Variants in LMBRD2 observed in about 807,000 individuals in gnomAD.
The protein encoded by LMBRD2 is G protein-coupled receptor-associated protein LMBRD2.
Under a neutral mutation model 94.4 loss-of-function variants are expected in LMBRD2, and 55 were observed. The observed-to-expected ratio is 0.58, with a 90% CI of 0.47 to 0.73. The LOEUF (loss-of-function observed/expected upper bound fraction) is 0.73, where lower values mean the gene tolerates loss of function less well. LMBRD2 is among the 30% of genes least tolerant of loss of function. The pLI is 0.00. For synonymous variants in LMBRD2, 246 were observed against 272.4 expected (o/e 0.90, Z 0.95); for missense variants, 640 against 831.9 (o/e 0.77, Z 2.84).
intron 3 of LMBRD2, among the ~76,000 whole-genome samples, chr5:36,142,294 G>A (rs1744428399): frequency 6.6e-6 from 1 of 152,140 alleles, no homozygotes; most frequent in South Asian, 2.1e-4. Context: ...GTCTACTGAA[G>A]GGCTTTGTGG....
At chr5:36,122,820 G>T (rs773786225) in intron 8 of LMBRD2, 28 bp downstream of exon 8, 1 of 1,574,362 alleles carries the variant, frequency 6.4e-7, no homozygotes, top group South Asian at 1.2e-5. Flanking sequence ...TCATCATTAA[G>T]TAAAATACTT....
Position 36,117,875 on chromosome 5 carries a change from T to C in LMBRD2, c.1162A>G (p.Ile388Val). 6.2e-7 allele frequency: 1 copy of C among 1,613,158 alleles called. No individual in the cohort carries two copies. Among genetic ancestry groups the C allele is most frequent in the Non-Finnish European group, 8.5e-7 (1 of 1,179,714 alleles). Residue 388 changes from isoleucine to valine, a missense_variant, in exon 10 of 18, where the codon ATA (isoleucine) becomes GTA (valine). Physicochemically the swap from Ile to Val is conservative, Grantham distance 29 (BLOSUM62 3). Coordinates refer to ENST00000296603, the MANE Select transcript of LMBRD2 (RefSeq NM_001007527.2). ...ECLLRPWFYK[I>V]LAVVLSIFSV... is the part of the protein sequence containing the mutation. ...AAGATGGACAGAACCACAGCAAGTA[T>C]CTTGTAAAACCATGGTCGCAAAAGA...
rs369112787 is a variant in LMBRD2, at chr5:36,117,719, C to T, written c.1302+16G>A. The T allele has an allele frequency of 8.3e-5, 128 of 1,545,296 alleles. 4 individuals carry two copies. In the South Asian group the frequency reaches 1.2e-3, roughly 14 times the overall value. ...TGAAGTGACATCTATTTATGACAGA[C>T]ATAAAATAAACTGACCTCGATATAA... On this transcript the variant is annotated intron_variant, in intron 10 of 17. Coordinates refer to ENST00000296603, the MANE Select transcript of LMBRD2 (RefSeq NM_001007527.2).
At chr5:36,144,234 A>G (rs551732170) in intron 1 of LMBRD2, among the ~76,000 whole-genome samples, 29 of 152,314 alleles carry the variant, frequency 1.9e-4, no homozygotes, top group Admixed American at 5.2e-4. Flanking sequence ...GAAAAATTTG[A>G]TATCTCTCTA....
At position 36,104,121 on chromosome 5, in the gene LMBRD2, T is replaced by C. The variant is rs201011954; in HGVS notation, c.2028-15A>G. The C allele has an allele frequency of 1.3e-6, 2 of 1,597,832 alleles. No individual in the cohort carries two copies. Among genetic ancestry groups the C allele is most frequent in the Non-Finnish European group, 1.7e-6 (2 of 1,166,692 alleles). The stretch of plus-strand genomic sequence containing the variant: ...CAGGCTGATACCTAAAAAGGGAACA[T>C]AAAGAAATGATCTGAGGCATCAAAA... On this transcript the variant is annotated splice_polypyrimidine_tract_variant and intron_variant, in intron 17 of 17. Transcript: ENST00000296603.
intron 5 of LMBRD2, 61 bp from the exon 6 acceptor site, chr5:36,136,580 A>C: frequency 7.2e-7 from 1 of 1,391,650 alleles, no homozygotes; most frequent in Non-Finnish European, 1.0e-6. Context: ...ATGCGACTGC[A>C]TAAATAGACT....
chr5:36,129,024 A>C (rs1167953018), intron 6 of LMBRD2, among the ~76,000 whole-genome samples: 1 of 152,208 alleles, frequency 6.6e-6, no homozygotes, highest in East Asian at 1.9e-4. Flanking sequence ...GTGAGCTAGA[A>C]GACACTTGAA....
At position 36,151,647 on chromosome 5, in the gene LMBRD2, C is replaced by T. The variant is rs952545713; in HGVS notation, c.-149G>A. On this transcript the variant is annotated 5_prime_UTR_variant, in exon 1 of 18. Transcript: ENST00000296603. The surrounding 1 kb of genome is among the most constrained non-coding windows in gnomAD (Gnocchi z 4.7). ...ACTCGGGGTCTGCCGGGTCCCCTCT[C>T]TTTCCGCCTGCTCTCGGCCCCGGAC... 1.3e-5 allele frequency: 2 copies of T among 154,550 alleles called. No individual in the cohort carries two copies. Among genetic ancestry groups the T allele is most frequent in the African/African-American group, 4.8e-5 (2 of 41,476 alleles). 9.6% of individuals were successfully genotyped at this position (154,550 alleles called of 1,614,324 possible).
chr5:36,102,543 G>A lies in LMBRD2; in HGVS notation c.*1503C>T, dbSNP rs1442108518. The A allele has an allele frequency of 1.3e-5, 2 of 151,262 alleles. No homozygotes were observed. Among genetic ancestry groups the A allele is most frequent in the African/African-American group, 4.9e-5 (2 of 41,224 alleles). 9.4% of individuals were successfully genotyped at this position (151,262 alleles called of 1,614,324 possible). On this transcript the variant is annotated 3_prime_UTR_variant, in exon 18 of 18. Coordinates refer to ENST00000296603, the MANE Select transcript of LMBRD2 (RefSeq NM_001007527.2). ...ATCCACTGATAATTATTTTAAAAGG[G>A]ATCTAATTGCAAAGATCATAAAAAC... is the stretch of plus-strand genomic sequence containing the variant.
At chr5:36,122,189 A>C (rs1443375285) in intron 9 of LMBRD2, 91 bp downstream of exon 9, 23 of 879,070 alleles carry the variant, frequency 2.6e-5, no homozygotes, top group Non-Finnish European at 4.0e-5. Context: ...AATACAAATA[A>C]AATTCAACTT....
chr5:36,118,452 T>G (rs993219860), intron 9 of LMBRD2, among the ~76,000 whole-genome samples: 2 of 152,152 alleles, frequency 1.3e-5, no homozygotes, highest in Admixed American at 1.3e-4. Flanking sequence ...GATGGCTGTA[T>G]TTGGCTATGT....
At chr5:36,119,990 CTT>C (rs1743847908) in intron 9 of LMBRD2, among the ~76,000 whole-genome samples, 1 of 151,032 alleles carries the variant, frequency 6.6e-6, no homozygotes, top group Non-Finnish European at 1.5e-5. Flanking sequence ...TGAATTTTTT[CTT>C]TTCTTTCTCT....
intron 3 of LMBRD2, 22 bp downstream of exon 3, chr5:36,142,480 T>G: frequency 7.5e-7 from 1 of 1,339,572 alleles, no homozygotes; most frequent in African/African-American, 1.4e-5. Context: ...TGTTTATATA[T>G]TTTTTTTAAA....
At chr5:36,132,610 T>A (rs564405866) in intron 6 of LMBRD2, among the ~76,000 whole-genome samples, 90 of 137,356 alleles carry the variant, frequency 6.6e-4, no homozygotes, top group Non-Finnish European at 1.7e-4. Flanking sequence ...AACAACTCCA[T>A]GAGAAAAAAA....
chr5:36,111,944 C>CAATTTAAAAT (rs1743618261), intron 13 of LMBRD2, among the ~76,000 whole-genome samples: 1 of 151,860 alleles, frequency 6.6e-6, no homozygotes, highest in Admixed American at 6.6e-5. Context: ...ATTTAAATCC[C>CAATTTAAAAT]AGAGAAAATA....
rs913551950 is a variant in LMBRD2 at position 36,137,445 on chromosome 5, G to A, written c.369-4C>T. 5 of 1,515,518 alleles carry A rather than the reference G, an allele frequency of 3.3e-6. No homozygotes were observed. The African/African-American group carries it at 6.9e-5, about 21-fold the overall frequency. 93.9% of individuals were successfully genotyped at this position (1,515,518 alleles called of 1,614,324 possible). A position where few individuals can be genotyped will look rare whatever the true frequency, so the allele number is the denominator to read the frequency against. Reference sequence around the variant, plus strand: ...CTGCATAAAAGGTAAGAGAATCCTAGATGGATAGAAAAAATATGATTAAAA... The same window carrying A: ...CTGCATAAAAGGTAAGAGAATCCTAAATGGATAGAAAAAATATGATTAAAA... On this transcript the variant is annotated splice_region_variant and splice_polypyrimidine_tract_variant and intron_variant, in intron 4 of 17. Transcript: ENST00000296603.
At chr5:36,132,134 A>G (rs945301786) in intron 6 of LMBRD2, among the ~76,000 whole-genome samples, 1 of 152,042 alleles carries the variant, frequency 6.6e-6, no homozygotes, top group African/African-American at 2.4e-5. Flanking sequence ...CAGAATAGAG[A>G]ACTCCAAAAT....
At chr5:36,142,825 C>G in intron 2 of LMBRD2, 2 of 386,630 alleles carry the variant, frequency 5.2e-6, no homozygotes, top group Non-Finnish European at 9.4e-6. Flanking sequence ...CCCGGATTCA[C>G]GCCATTCTCC....
rs1419699273 is a variant in LMBRD2, at chr5:36,105,054, C to T, written c.2027+14G>A. 2 of 1,610,262 alleles carry T rather than the reference C, an allele frequency of 1.2e-6. No individual in the cohort carries two copies. Among genetic ancestry groups the T allele is most frequent in the African/African-American group, 1.3e-5 (1 of 74,736 alleles). ...GAGGAATGCTAGAGCTAAAATGTCA[C>T]AGCCAGAACTTACCTTCCTGATTCA... On this transcript the variant is annotated intron_variant, in intron 17 of 17. Transcript: ENST00000296603.
Sources: allele counts gnomAD v4.1 joint callset (sites outside exome capture counted in the v4.1 genomes callset), GRCh38; gene constraint gnomAD v4.1.1; non-coding constraint Gnocchi (gnomAD v3.1); transcripts MANE v1.5; gene names NCBI Gene and HGNC (gene_info 2026-07-23, HGNC 2026-07-21).